Variants in GGH observed in about 807,000 individuals in gnomAD.
GGH encodes the protein gamma-glutamyl hydrolase.
A neutral mutation model predicts 39.2 loss-of-function variants in GGH; 18 were observed. The ratio of observed to expected loss-of-function variants is 0.46; its 90% CI spans 0.32 to 0.68. GGH has a LOEUF of 0.68. GGH is among the 30% of genes least tolerant of loss of function. The pLI, the probability that GGH is intolerant of heterozygous loss-of-function variation, is 0.04. For synonymous variants in GGH, 147 were observed against 138.8 expected, an observed-to-expected ratio of 1.06 and a Z score of -0.42; for missense variants, 367 against 384.1, an observed-to-expected ratio of 0.96 and a Z score of 0.37.
At chr8:63,035,591 C>T (rs1804891785) in intron 2 of GGH, 65 bp downstream of exon 2, 1 of 1,549,596 alleles carries the variant, frequency 6.5e-7, no homozygotes, top group African/African-American at 1.4e-5. Flanking sequence ...AGGCATGAGG[C>T]ACCGCACCCG....
At chr8:63,019,549 T>C (rs191684995) in intron 7 of GGH, among the ~76,000 whole-genome samples, 1 of 152,346 alleles carries the variant, frequency 6.6e-6, no homozygotes, top group Non-Finnish European at 1.5e-5. Context: ...TACCAAGAGA[T>C]GGAAGTGGTC....
rs570506093 is a variant in GGH at position 63,033,506 on chromosome 8, T to A, written c.224+2150A>T. Among the ~76,000 whole-genome samples the A allele has an allele frequency of 1.7e-4, 26 of 151,770 alleles. No individual in the cohort carries two copies. The South Asian group carries it at 2.9e-3, about 17-fold the overall frequency. ...TGTTTCTAACAATTTATTCATTTCT[T>A]CTAGGTTACACATGTTGTTGGCATA... is the stretch of plus-strand genomic sequence containing the variant. On this transcript the variant is annotated intron_variant, in intron 2 of 8. Transcript: ENST00000260118.
At chr8:63,018,978 C>T (rs72658350) in intron 7 of GGH, among the ~76,000 whole-genome samples, 18,934 of 151,958 alleles carry the variant, frequency 0.12, 1,385 homozygotes, top group East Asian at 0.34. Flanking sequence ...CTAAGAAGGA[C>T]AAGACATCAG....
intron 7 of GGH, 77 bp from the exon 8 acceptor site, chr8:63,017,707 A>C (rs759049399): frequency 2.4e-6 from 2 of 826,268 alleles, no homozygotes; most frequent in Non-Finnish European, 3.8e-6. Flanking sequence ...TTTATTTCTT[A>C]TGTAAAACAT....
rs1053656726 is a variant in GGH at position 63,030,082 on chromosome 8, G to A, written c.275+85C>T. 78 of 681,706 alleles carry A rather than the reference G, an allele frequency of 1.1e-4. 1 individual carries two copies. In the South Asian group the frequency reaches 1.3e-3, roughly 11 times the overall value. 42.2% of individuals were successfully genotyped at this position (681,706 alleles called of 1,614,324 possible). ...CTCTAAGACAGTTACATAGAAACAT[G>A]TATAATATTTATATGATTTCTTTTA... is the stretch of plus-strand genomic sequence containing the variant. On this transcript the variant is annotated intron_variant, in intron 3 of 8. Coordinates refer to ENST00000260118, the MANE Select transcript of GGH (RefSeq NM_003878.3).
At chr8:63,016,991 A>G (rs1804497277) in intron 8 of GGH, among the ~76,000 whole-genome samples, 1 of 152,198 alleles carries the variant, frequency 6.6e-6, no homozygotes, top group South Asian at 2.1e-4. Context: ...CATTATTCTA[A>G]GAAATGGAGA....
At chr8:63,018,836 A>T (rs1182514957) in intron 7 of GGH, among the ~76,000 whole-genome samples, 1 of 152,196 alleles carries the variant, frequency 6.6e-6, no homozygotes, top group Non-Finnish European at 1.5e-5. Flanking sequence ...GAAAAGATAC[A>T]TATATATAAG....
chr8:63,035,644 A>T lies in GGH; in HGVS notation c.224+12T>A. On this transcript the variant is annotated intron_variant, in intron 2 of 8. Transcript: ENST00000260118. ...TACAGAGTAAAAAAAAAAAAAAAAC[A>T]CTGAATCATACCTTACTGGTACAAC... The T allele has an allele frequency of 3.8e-6, 6 of 1,580,352 alleles. No individual in the cohort carries two copies. The highest frequency in any genetic ancestry group is 5.1e-6 in the Non-Finnish European group (6 of 1,169,216).
chr8:63,026,039 T>G (rs912324825), intron 5 of GGH, 119 bp downstream of exon 5: 1 of 778,512 alleles, frequency 1.3e-6, no homozygotes, highest in African/African-American at 1.8e-5. Context: ...CATAAGCATT[T>G]TTTCCTTCAG....
chr8:63,036,523 G>A (rs1053480605), intron 1 of GGH, among the ~76,000 whole-genome samples: 1 of 152,194 alleles, frequency 6.6e-6, no homozygotes, highest in Admixed American at 6.5e-5. Context: ...AATATATAGA[G>A]TGATGGCTGG....
chr8:63,023,986 C>A lies in GGH; in HGVS notation c.618G>T (p.Met206Ile). 6.3e-7 allele frequency: 1 copy of A among 1,582,906 alleles called. No homozygotes were observed. The highest frequency in any genetic ancestry group is 1.1e-5 in the South Asian group (1 of 87,274). ...TGAAAAACTTCTTTAACTTTTCATT[C>A]ATTGTAAAATTCTAGAATACGAAAA... ...KWSLSVKNFT[M>I]NEKLKKFFNV... Residue 206 changes from methionine to isoleucine, a missense_variant, in exon 7 of 9, where the codon ATG becomes ATT. Coordinates refer to ENST00000260118, the MANE Select transcript of GGH (RefSeq NM_003878.3).
At chr8:63,015,749 T>A (rs1804476369) in intron 8 of GGH, among the ~76,000 whole-genome samples, 1 of 152,048 alleles carries the variant, frequency 6.6e-6, no homozygotes, top group African/African-American at 2.4e-5. Flanking sequence ...CAGTCGCGCA[T>A]GGCCACAGCA....
At chr8:63,018,633 T>G (rs905744943) in intron 7 of GGH, among the ~76,000 whole-genome samples, 1 of 152,144 alleles carries the variant, frequency 6.6e-6, no homozygotes, top group Non-Finnish European at 1.5e-5. Flanking sequence ...CCTCCCCCAC[T>G]TCCGTGTGAC....
At chr8:63,029,423 A>C (rs1301096354) in intron 3 of GGH, among the ~76,000 whole-genome samples, 1 of 152,150 alleles carries the variant, frequency 6.6e-6, no homozygotes, top group East Asian at 1.9e-4. Flanking sequence ...TGTTTTATTT[A>C]ACCAATTCTC....
intron 4 of GGH, 63 bp downstream of exon 4, chr8:63,027,118 G>C: frequency 1.2e-6 from 1 of 816,124 alleles, no homozygotes; most frequent in Non-Finnish European, 2.2e-6. Flanking sequence ...CTTAAAAAAT[G>C]AACCACTCGC....
At chr8:63,037,533 T>C (rs1475041357) in intron 1 of GGH, among the ~76,000 whole-genome samples, 1 of 152,230 alleles carries the variant, frequency 6.6e-6, no homozygotes, top group Non-Finnish European at 1.5e-5. Flanking sequence ...TCACAACTTT[T>C]GTGGCTTGTC....
chr8:63,036,509 G>T (rs1804911709), intron 1 of GGH, among the ~76,000 whole-genome samples: 1 of 152,108 alleles, frequency 6.6e-6, no homozygotes, highest in South Asian at 2.1e-4. Context: ...AGACAAAAAG[G>T]CATAATATAT....
chr8:63,028,479 T>C (rs3780128), intron 3 of GGH: 18,975 of 152,182 alleles, frequency 0.12, 1,381 homozygotes, highest in East Asian at 0.34. Flanking sequence ...CCTTAAAGCA[T>C]GGCTCTGTCT....
intron 7 of GGH, chr8:63,017,852 C>T (rs543205196): frequency 5.8e-5 from 24 of 413,568 alleles, no homozygotes; most frequent in South Asian, 5.5e-4. Context: ...ATCTGTAGGA[C>T]GATTTGCTTT....
Sources: gnomAD v4.1 joint callset for allele counts (sites outside exome capture counted in the v4.1 genomes callset) on GRCh38, gnomAD v4.1.1 for gene constraint, MANE v1.5 for transcripts, NCBI Gene and HGNC (gene_info 2026-07-23, HGNC 2026-07-21) for gene names.